Variants in PRKCB observed in about 807,000 individuals in gnomAD.
PRKCB encodes the protein protein kinase C beta type.
Under a neutral mutation model 81.5 loss-of-function variants are expected in PRKCB, and 13 were observed. The ratio of observed to expected loss-of-function variants is 0.16; its 90% confidence interval spans 0.10 to 0.25. PRKCB has a LOEUF of 0.25. Among genes scored for constraint, PRKCB ranks in the 10% least tolerant of loss-of-function variants. The probability of loss-of-function intolerance (pLI) is 1.00; values close to 1 mark genes in which losing one functional copy is unlikely to be tolerated. For missense variants in PRKCB, 509 were observed against 875.7 expected (o/e 0.58, Z 5.29); for synonymous variants, 335 against 321.4 (o/e 1.04, Z -0.45).
In PRKCB at chr16:23,910,515, G is replaced by C. The variant is rs113606749; in HGVS notation, c.205+73109G>C. Reference sequence around the variant, plus strand: ...CTAACAGAAACAGAGCAGGTCTCAGGCTCGGGCCGTTAGGCAATGATGTCA... The same window carrying C: ...CTAACAGAAACAGAGCAGGTCTCAGCCTCGGGCCGTTAGGCAATGATGTCA... On this transcript the variant is annotated intron_variant, in intron 2 of 16. Coordinates refer to ENST00000643927, the MANE Select transcript of PRKCB (RefSeq NM_002738.7). 3.8e-3 allele frequency among the ~76,000 whole-genome samples: 584 copies of C among 152,194 alleles called. 4 individuals are homozygous for C. Among genetic ancestry groups the C allele is most frequent in the African/African-American group, 0.013 (550 of 41,506 alleles).
Position 23,929,813 on chromosome 16 carries a change from T to C in PRKCB, c.206-58695T>C, listed in dbSNP as rs1963946539. On this transcript the variant is annotated intron_variant, in intron 2 of 16. Transcript: ENST00000643927. ...CTTAGGGAAAAGATGAAATTCCCTT[T>C]CTTCTGGAGCCTAGATTTCAAAGAG... is the stretch of plus-strand genomic sequence containing the variant. 1.3e-5 allele frequency among the ~76,000 whole-genome samples: 2 copies of C among 152,188 alleles called. 1 individual carries two copies. Among genetic ancestry groups the C allele is most frequent in the Non-Finnish European group, 2.9e-5 (2 of 67,958 alleles).
chr16:24,089,782 C>T (rs1181097463), intron 5 of PRKCB, among the ~76,000 whole-genome samples: 3 of 150,452 alleles, frequency 2.0e-5, no homozygotes, highest in Non-Finnish European at 4.4e-5. Context: ...CTCTCTCTCT[C>T]TCTCTCTCAC....
At chr16:23,920,370 A>G (rs1328525596) in intron 2 of PRKCB, among the ~76,000 whole-genome samples, 1 of 152,252 alleles carries the variant, frequency 6.6e-6, no homozygotes, top group Non-Finnish European at 1.5e-5. Context: ...CAAGCCAACT[A>G]GAATAAATTC....
intron 7 of PRKCB, among the ~76,000 whole-genome samples, chr16:24,096,666 A>AAAAAAAAT (rs1406204037): frequency 6.1e-5 from 2 of 32,712 alleles, no homozygotes; most frequent in African/African-American, 9.7e-5. Context: ...AAAAAAAAAA[A>AAAAAAAAT]ATATATATAT....
chr16:24,213,128 G>A (rs1052946665), intron 16 of PRKCB, among the ~76,000 whole-genome samples: 17 of 151,920 alleles, frequency 1.1e-4, no homozygotes, highest in Admixed American at 6.6e-4. Flanking sequence ...TCCGCCTCCC[G>A]GGTTCAAGCT....
At chr16:23,885,413 A>T (rs1489030901) in intron 2 of PRKCB, among the ~76,000 whole-genome samples, 1 of 151,934 alleles carries the variant, frequency 6.6e-6, no homozygotes, top group African/African-American at 2.4e-5. Flanking sequence ...AGTTCAAGCC[A>T]TTCTCCTGCC....
At chr16:23,987,405 G>T (rs1293172859) in intron 2 of PRKCB, among the ~76,000 whole-genome samples, 1 of 138,440 alleles carries the variant, frequency 7.2e-6, no homozygotes. Flanking sequence ...TTGGGGTGGG[G>T]GGGGGTGTGT....
At chr16:24,160,920 C>T (rs1596575514) in intron 10 of PRKCB, among the ~76,000 whole-genome samples, 1 of 151,940 alleles carries the variant, frequency 6.6e-6, no homozygotes. Flanking sequence ...GCATGCTCCG[C>T]GTGTTTGAGG....
At position 24,218,895 on chromosome 16, in the gene PRKCB, A is replaced by G; in HGVS notation, c.*4079A>G. On this transcript the variant is annotated 3_prime_UTR_variant, in exon 17 of 17. Coordinates refer to ENST00000643927, the MANE Select transcript of PRKCB (RefSeq NM_002738.7). ...TCCGAGAGACTGTGATGAGGCCTACATAGCAGCGATGTGGTCAGGTAAAAA... is the reference window on the plus strand; with the variant it reads ...TCCGAGAGACTGTGATGAGGCCTACGTAGCAGCGATGTGGTCAGGTAAAAA... 1.0e-6 allele frequency: 1 copy of G among 985,470 alleles called. No homozygotes were observed. The highest frequency in any genetic ancestry group is 1.2e-6 in the Non-Finnish European group (1 of 829,992). The allele number at this position is 985,470 out of a possible 1,614,324, so 61.0% of individuals were successfully genotyped here.
chr16:24,130,969 T>C (rs1966852554), intron 9 of PRKCB, among the ~76,000 whole-genome samples: 1 of 152,206 alleles, frequency 6.6e-6, no homozygotes, highest in Non-Finnish European at 1.5e-5. Flanking sequence ...CCTTCTGACT[T>C]TTCCCTTTAG....
At chr16:23,847,318 CTCTATCTATCTA>C (rs746347042) in intron 2 of PRKCB, among the ~76,000 whole-genome samples, 6,654 of 144,156 alleles carry the variant, frequency 0.046, 367 homozygotes, top group Admixed American at 0.079. Flanking sequence ...ATGATCCTGC[CTCTATCTATCTA>C]TCTATCTATC....
intron 2 of PRKCB, among the ~76,000 whole-genome samples, chr16:23,857,606 GGGCCATAGGGGGGCCA>G (rs1482288327): frequency 6.6e-5 from 10 of 152,296 alleles, no homozygotes; most frequent in Non-Finnish European, 1.2e-4. Context: ...TGGGGCCCAA[GGGCCATAGGGGGGCCA>G]GGGCACTCCA....
At chr16:23,899,014 A>G (rs1963423924) in intron 2 of PRKCB, among the ~76,000 whole-genome samples, 1 of 152,172 alleles carries the variant, frequency 6.6e-6, no homozygotes, top group African/African-American at 2.4e-5. Flanking sequence ...TGTGACTGTT[A>G]TTTTTATGAA....
chr16:24,096,864 C>T (rs979071810), intron 7 of PRKCB, among the ~76,000 whole-genome samples: 3 of 151,266 alleles, frequency 2.0e-5, no homozygotes, highest in African/African-American at 7.3e-5. Context: ...TAAATTGTCT[C>T]ATATCTGAAT....
intron 5 of PRKCB, among the ~76,000 whole-genome samples, chr16:24,077,323 C>T (rs980925244): frequency 1.3e-5 from 2 of 152,070 alleles, no homozygotes; most frequent in Non-Finnish European, 2.9e-5. Context: ...CAGTTTCCTT[C>T]CAGCTAGTTA....
intron 2 of PRKCB, among the ~76,000 whole-genome samples, chr16:23,965,049 G>A (rs1212698466): frequency 6.6e-6 from 1 of 152,132 alleles, no homozygotes; most frequent in East Asian, 1.9e-4. Flanking sequence ...GTACAGGTTT[G>A]TTACATGGGT....
intron 5 of PRKCB, among the ~76,000 whole-genome samples, chr16:24,071,497 C>A (rs1966107814): frequency 6.6e-6 from 1 of 150,586 alleles, no homozygotes; most frequent in African/African-American, 2.5e-5. Flanking sequence ...ATAAGAGGAG[C>A]CCGTCCAACC....
chr16:24,177,535 G>A (rs1348227172), intron 12 of PRKCB, among the ~76,000 whole-genome samples: 1 of 152,136 alleles, frequency 6.6e-6, no homozygotes, highest in Non-Finnish European at 1.5e-5. Context: ...GCCAGGGCAG[G>A]CACACAACCC....
Position 24,185,143 on chromosome 16 carries a change from G to T in PRKCB, c.1566G>T (p.Val522=). 6.2e-7 allele frequency: 1 copy of T among 1,614,126 alleles called. No homozygotes were observed. The highest frequency in any genetic ancestry group is 8.5e-7 in the Non-Finnish European group (1 of 1,179,992). ...CTTATCAGCCCTATGGGAAGTCCGT[G>T]GATTGGTGGGCATTTGGAGTCCTGC... ...IIAYQPYGKS[V]DWWAFGVLLY... Residue 522 remains valine (V), a synonymous_variant, in exon 14 of 17, where the codon GTG becomes GTT. Coordinates refer to ENST00000643927, the MANE Select transcript of PRKCB (RefSeq NM_002738.7).
Sources: gnomAD v4.1 joint callset for allele counts (sites outside exome capture counted in the v4.1 genomes callset) on GRCh38, gnomAD v4.1.1 for gene constraint, MANE v1.5 for transcripts, NCBI Gene and HGNC (gene_info 2026-07-23, HGNC 2026-07-21) for gene names.